Variants in SDR42E2 observed in about 807,000 individuals in gnomAD.
The protein encoded by SDR42E2 is putative short-chain dehydrogenase/reductase family 42E member 2.
A neutral mutation model predicts 10.5 loss-of-function variants in SDR42E2; 20 were observed. The ratio of observed to expected loss-of-function variants is 1.90; its 90% CI spans 1.34 to 2.77. The LOEUF is 2.77. Ranked by LOEUF, SDR42E2 falls within the 30% of genes most tolerant of loss-of-function variation. SDR42E2 has a pLI of 0.00. For synonymous variants in SDR42E2, 72 were observed against 39.2 expected, an observed-to-expected ratio of 1.84 and a Z score of -3.12; for missense variants, 162 against 104.2, an observed-to-expected ratio of 1.55 and a Z score of -2.42.
At chr16:22,176,918 A>G (rs1195946879) in intron 7 of SDR42E2, among the ~76,000 whole-genome samples, 2 of 152,234 alleles carry the variant, frequency 1.3e-5, no homozygotes, top group African/African-American at 2.4e-5. Context: ...TGAAAGGGGT[A>G]CAGACCCCGG....
intron 7 of SDR42E2, among the ~76,000 whole-genome samples, chr16:22,174,348 A>G (rs1282015917): frequency 2.0e-5 from 3 of 151,920 alleles, no homozygotes; most frequent in Non-Finnish European, 4.4e-5. Context: ...TAATAATAAT[A>G]ATCCTCAATG....
At chr16:22,177,609 C>T (rs2046655308) in intron 7 of SDR42E2, among the ~76,000 whole-genome samples, 1 of 149,928 alleles carries the variant, frequency 6.7e-6, no homozygotes, top group South Asian at 2.1e-4. Flanking sequence ...GCCTGGGCGG[C>T]AGAGCAAGAT....
chr16:22,164,109 G>C (rs1478087384), intron 1 of SDR42E2, among the ~76,000 whole-genome samples: 1 of 152,092 alleles, frequency 6.6e-6, no homozygotes, highest in East Asian at 1.9e-4. Flanking sequence ...GTGACTGACA[G>C]CCTGGCTTGC....
At chr16:22,166,001 G>A (rs1449647463) in intron 2 of SDR42E2, among the ~76,000 whole-genome samples, 1 of 151,958 alleles carries the variant, frequency 6.6e-6, no homozygotes, top group African/African-American at 2.4e-5. Flanking sequence ...CCAGGAGCTG[G>A]GTCGGGACCT....
At chr16:22,186,959 G>T (rs1202401277) in intron 12 of SDR42E2, among the ~76,000 whole-genome samples, 165 bp downstream of exon 12, 2 of 150,058 alleles carry the variant, frequency 1.3e-5, no homozygotes, top group African/African-American at 5.0e-5. Context: ...GCTGGTGCTA[G>T]CTCTGTTATG....
In SDR42E2 at chr16:22,179,277, C is replaced by T. The variant is rs146115095; in HGVS notation, c.672+1065C>T. Among the ~76,000 whole-genome samples the T allele has an allele frequency of 5.0e-4, 76 of 152,324 alleles. No homozygotes were observed. In the East Asian group the frequency reaches 0.013, roughly 27 times the overall value. Reference sequence around the variant, plus strand: ...TTGCTGGGATGACAGGCGTGAACTACTGGACCCAGCAATCATTTTTTTTCT... The same window carrying T: ...TTGCTGGGATGACAGGCGTGAACTATTGGACCCAGCAATCATTTTTTTTCT... On this transcript the variant is annotated intron_variant, in intron 8 of 12. Coordinates refer to ENST00000602312, the MANE Select transcript of SDR42E2 (RefSeq NM_001394319.2).
In SDR42E2 at chr16:22,171,750, TCGA is replaced by T. The variant is rs1371056121; in HGVS notation, c.514-505_514-503del. Among the ~76,000 whole-genome samples, 5 of 152,122 alleles carry T rather than the reference TCGA, an allele frequency of 3.3e-5. No individual in the cohort carries two copies. In the East Asian group the frequency reaches 9.6e-4, roughly 29 times the overall value. On this transcript the variant is annotated intron_variant, in intron 6 of 12. Coordinates refer to ENST00000602312, the MANE Select transcript of SDR42E2 (RefSeq NM_001394319.2). ...TTTCATTGAGTTGCCCAGGCTGGTC[TCGA>T]ACTCCTGGGCTCAATCAATCCTCCC...
intron 10 of SDR42E2, among the ~76,000 whole-genome samples, chr16:22,183,421 ATG>A (rs1320083190): frequency 1.3e-5 from 2 of 152,102 alleles, no homozygotes; most frequent in Non-Finnish European, 2.9e-5. Flanking sequence ...GCCACCCATT[ATG>A]TGTTGAGGCT....
At position 22,182,268 on chromosome 16, in the gene SDR42E2, G is replaced by A; in HGVS notation, c.867G>A (p.Met289Ile). The A allele has an allele frequency of 2.5e-6, 1 of 401,490 alleles. No individual in the cohort carries two copies. Among genetic ancestry groups the A allele is most frequent in the Non-Finnish European group, 4.4e-6 (1 of 226,532 alleles). The allele number at this position is 401,490 out of a possible 1,614,324, so 24.9% of individuals were successfully genotyped here. ...AGAGCGTCAACCTCTTTGAGTGGATGGCCCCACTGGTAGGTGCACAGATGC... is the reference window on the plus strand; with the variant it reads ...AGAGCGTCAACCTCTTTGAGTGGATAGCCCCACTGGTAGGTGCACAGATGC... ...DGESVNLFEW[M>I]APLFEKLGYS... The change falls in exon 10 of 13, where the codon ATG becomes ATA. Residue 289 changes from methionine (M) to isoleucine (I), a missense_variant. Coordinates refer to ENST00000602312, the MANE Select transcript of SDR42E2 (RefSeq NM_001394319.2).
intron 1 of SDR42E2, among the ~76,000 whole-genome samples, 192 bp downstream of exon 1, chr16:22,162,756 G>C (rs1226721748): frequency 1.3e-5 from 2 of 152,154 alleles, no homozygotes; most frequent in Non-Finnish European, 2.9e-5. Flanking sequence ...GGTCCCCATC[G>C]ACCTGGATTC....
chr16:22,167,037 G>A (rs1192493933), intron 4 of SDR42E2, 38 bp downstream of exon 4: 2 of 698,018 alleles, frequency 2.9e-6, no homozygotes, highest in South Asian at 1.5e-5. Flanking sequence ...GTTAGACAGA[G>A]TGGGGTTCCA....
chr16:22,181,659 G>A lies in SDR42E2; in HGVS notation c.810+3G>A, dbSNP rs1322178137. 2 of 702,680 alleles carry A rather than the reference G, an allele frequency of 2.8e-6. No individual in the cohort carries two copies. Among genetic ancestry groups the A allele is most frequent in the South Asian group, 3.0e-5 (2 of 67,568 alleles). 43.5% of individuals were successfully genotyped at this position (702,680 alleles called of 1,614,324 possible). ...CCACGGCCAAGGGCTACGTGGCTGT[G>A]AGTCCCCTCTGATGCCCCCAACCAC... On this transcript the variant is annotated splice_donor_region_variant and intron_variant, in intron 9 of 12. Coordinates refer to ENST00000602312, the MANE Select transcript of SDR42E2 (RefSeq NM_001394319.2).
Position 22,178,146 on chromosome 16 carries a change from G to T in SDR42E2, c.606G>T (p.Arg202=). 1 of 702,834 alleles carries T rather than the reference G, an allele frequency of 1.4e-6. No individual in the cohort carries two copies. Among genetic ancestry groups the T allele is most frequent in the Non-Finnish European group, 2.6e-6 (1 of 384,942 alleles). 43.5% of individuals were successfully genotyped at this position (702,834 alleles called of 1,614,324 possible). A position where few individuals can be genotyped will look rare whatever the true frequency, so the allele number is the denominator to read the frequency against. Reference sequence around the variant, plus strand: ...GTGTGCTAGGAGGAGGCACTCTTCGGACGTGTGTGCTCCGGCCTCCAGGGA... The same window carrying T: ...GTGTGCTAGGAGGAGGCACTCTTCGTACGTGTGTGCTCCGGCCTCCAGGGA... ...GMPLPGGGTL[R]TCVLRPPGIY... is the part of the protein sequence containing the mutation. Residue 202 remains arginine, a synonymous_variant, in exon 8 of 13, where the codon CGG becomes CGT. Coordinates refer to ENST00000602312, the MANE Select transcript of SDR42E2 (RefSeq NM_001394319.2).
intron 5 of SDR42E2, among the ~76,000 whole-genome samples, chr16:22,170,241 C>T (rs1226038456): frequency 6.6e-6 from 1 of 151,896 alleles, no homozygotes; most frequent in Non-Finnish European, 1.5e-5. Flanking sequence ...GTAATCCCAG[C>T]TACTCGGGAG....
At chr16:22,186,323 C>T (rs2046736540) in intron 11 of SDR42E2, among the ~76,000 whole-genome samples, 1 of 152,220 alleles carries the variant, frequency 6.6e-6, no homozygotes, top group South Asian at 2.1e-4. Context: ...TCTCCTGCCT[C>T]AGCCTCCCCA....
rs897786023 is a variant in SDR42E2, at chr16:22,165,579, G to A, written c.-4G>A. On this transcript the variant is annotated 5_prime_UTR_variant, in exon 2 of 13. An upstream open reading frame in the 5' UTR loses its in-frame stop. Transcript: ENST00000602312. ...GTTTCTGGGTCTGCATGGCTCAGTA[G>A]AGGATGAAGTCCAACCCCCCACGCT... 1.0e-5 allele frequency: 4 copies of A among 401,198 alleles called. No individual in the cohort carries two copies. The highest frequency in any genetic ancestry group is 8.2e-5 in the African/African-American group (4 of 48,656). 24.9% of individuals were successfully genotyped at this position (401,198 alleles called of 1,614,324 possible).
intron 1 of SDR42E2, among the ~76,000 whole-genome samples, chr16:22,163,485 C>A (rs1234712183): frequency 6.6e-6 from 1 of 152,108 alleles, no homozygotes; most frequent in East Asian, 1.9e-4. Flanking sequence ...GGTGGCAGAT[C>A]ACTTGAGACC....
intron 4 of SDR42E2, among the ~76,000 whole-genome samples, chr16:22,168,902 A>T (rs2046569247): frequency 6.6e-6 from 1 of 152,124 alleles, no homozygotes; most frequent in African/African-American, 2.4e-5. Flanking sequence ...AATATAGCTT[A>T]AAAATAAGCA....
At chr16:22,182,477 G>A (rs1228274591) in intron 10 of SDR42E2, among the ~76,000 whole-genome samples, 200 bp downstream of exon 10, 1 of 152,014 alleles carries the variant, frequency 6.6e-6, no homozygotes, top group Non-Finnish European at 1.5e-5. Flanking sequence ...CTCCCGAGTA[G>A]CTGGGATTAC....
Sources: allele counts gnomAD v4.1 joint callset (sites outside exome capture counted in the v4.1 genomes callset), GRCh38; gene constraint gnomAD v4.1.1; transcripts MANE v1.5; gene names NCBI Gene and HGNC (gene_info 2026-07-23, HGNC 2026-07-21).